Variants in CYP20A1 observed in about 807,000 individuals in gnomAD.
CYP20A1 encodes cytochrome P450 family 20 subfamily A member 1, also known as cytochrome P450 20A1.
CYP20A1 carries 61 observed loss-of-function variants against 61.4 expected under a neutral mutation model. That is an observed-to-expected ratio of 0.99 (90% CI 0.81 to 1.23). The LOEUF (loss-of-function observed/expected upper bound fraction) is 1.23, where lower values mean the gene tolerates loss of function less well. Among genes scored for constraint, CYP20A1 ranks in the 50% most tolerant of loss-of-function variants. The pLI, the probability that CYP20A1 is intolerant of heterozygous loss-of-function variation, is 0.00. For missense variants in CYP20A1, 530 were observed against 542.4 expected (o/e 0.98, Z 0.23); for synonymous variants, 193 against 188.2 (o/e 1.03, Z -0.21).
chr2:203,266,885 G>A (rs2067346555), intron 5 of CYP20A1, among the ~76,000 whole-genome samples: 1 of 152,148 alleles, frequency 6.6e-6, no homozygotes, highest in Admixed American at 6.6e-5. Context: ...GGAGGCTGAG[G>A]CATGAGAATC....
intron 1 of CYP20A1, among the ~76,000 whole-genome samples, chr2:203,241,072 G>T (rs1006776628): frequency 2.0e-5 from 3 of 152,170 alleles, no homozygotes; most frequent in Admixed American, 6.6e-5. Context: ...TGAAGATAGT[G>T]CCAATGGGAT....
At chr2:203,293,417 A>G (rs1190961874) in intron 11 of CYP20A1, among the ~76,000 whole-genome samples, 2 of 149,758 alleles carry the variant, frequency 1.3e-5, no homozygotes, top group Admixed American at 1.3e-4. Context: ...GGGTTTCACC[A>G]TGTTAGCCAG....
At chr2:203,275,502 C>A (rs2067779692) in intron 6 of CYP20A1, among the ~76,000 whole-genome samples, 1 of 151,794 alleles carries the variant, frequency 6.6e-6, no homozygotes, top group Admixed American at 6.6e-5. Flanking sequence ...TGCAGTGGCT[C>A]AATCTCAGCT....
intron 3 of CYP20A1, among the ~76,000 whole-genome samples, chr2:203,251,543 G>A (rs905093907): frequency 4.0e-5 from 6 of 151,436 alleles, no homozygotes; most frequent in African/African-American, 1.5e-4. Flanking sequence ...GCTGAGGCAG[G>A]CGGATCACTT....
intron 11 of CYP20A1, among the ~76,000 whole-genome samples, chr2:203,292,911 C>T (rs937022083): frequency 6.6e-6 from 1 of 152,102 alleles, no homozygotes; most frequent in Admixed American, 6.5e-5. Flanking sequence ...CACCGTGGCT[C>T]ATGCCTGTAA....
chr2:203,296,256 C>G (rs1386570907), intron 11 of CYP20A1, among the ~76,000 whole-genome samples: 4 of 151,998 alleles, frequency 2.6e-5, no homozygotes, highest in Non-Finnish European at 5.9e-5. Flanking sequence ...AGAGCGAGAC[C>G]CTGTCTCAAA....
At chr2:203,270,134 C>A (rs536579020) in intron 5 of CYP20A1, among the ~76,000 whole-genome samples, 1 of 152,002 alleles carries the variant, frequency 6.6e-6, no homozygotes, top group Non-Finnish European at 1.5e-5. Context: ...GTAGTACATT[C>A]TTTTAGTCCC....
At chr2:203,262,468 CTTTTT>C (rs555858867) in intron 4 of CYP20A1, among the ~76,000 whole-genome samples, 1 of 151,976 alleles carries the variant, frequency 6.6e-6, no homozygotes, top group Non-Finnish European at 1.5e-5. Context: ...CATGAACCAA[CTTTTT>C]TTTCTATATA....
chr2:203,263,576 C>T lies in CYP20A1; in HGVS notation c.433-2938C>T, dbSNP rs569888555. 2.1e-4 allele frequency among the ~76,000 whole-genome samples: 32 copies of T among 152,298 alleles called. No individual in the cohort carries two copies. In the South Asian group the frequency reaches 6.2e-3, roughly 30 times the overall value. ...ATGCTGGAATTACCGGCGTGAGCCA[C>T]CGCTCCCGGCCCGTATGCAAGTTTT... is the stretch of plus-strand genomic sequence containing the variant. On this transcript the variant is annotated intron_variant, in intron 4 of 12. Transcript: ENST00000356079.
At chr2:203,274,190 T>G (rs1245962196) in intron 6 of CYP20A1, among the ~76,000 whole-genome samples, 1 of 148,294 alleles carries the variant, frequency 6.7e-6, no homozygotes, top group African/African-American at 2.5e-5. Flanking sequence ...TTAAAATAAT[T>G]TTTTTTTTTT....
chr2:203,242,066 T>C (rs2066273025), intron 1 of CYP20A1, among the ~76,000 whole-genome samples: 2 of 152,182 alleles, frequency 1.3e-5, no homozygotes, highest in Admixed American at 1.3e-4. Context: ...GGTTTCGAAC[T>C]CCTGACCTCA....
intron 4 of CYP20A1, among the ~76,000 whole-genome samples, chr2:203,262,921 G>A (rs1281909069): frequency 1.3e-5 from 2 of 151,696 alleles, no homozygotes; most frequent in East Asian, 1.9e-4. Context: ...CTCGTGATCC[G>A]CCCGCCTCGA....
At chr2:203,247,024 G>C (rs1171016752) in intron 3 of CYP20A1, 103 bp downstream of exon 3, 1 of 1,136,288 alleles carries the variant, frequency 8.8e-7, no homozygotes, top group South Asian at 1.5e-5. Flanking sequence ...ACTTTGGGAG[G>C]CTGAGGCAGG....
At position 203,275,966 on chromosome 2, in the gene CYP20A1, G is replaced by A. The variant is rs1391386866; in HGVS notation, c.680-2607G>A. ...AATGCTGTAGACAAAAATAAAACCA[G>A]AAGGGGATAGGGAGTGCCGGGGGTT... On this transcript the variant is annotated intron_variant, in intron 6 of 12. Transcript: ENST00000356079. Among the ~76,000 whole-genome samples, 59 of 152,186 alleles carry A rather than the reference G, an allele frequency of 3.9e-4. 1 individual carries two copies. Among genetic ancestry groups the A allele is most frequent in the Non-Finnish European group, 2.9e-5 (2 of 68,034 alleles).
intron 4 of CYP20A1, among the ~76,000 whole-genome samples, chr2:203,261,131 G>A (rs2067119867): frequency 6.6e-6 from 1 of 152,012 alleles, no homozygotes; most frequent in Admixed American, 6.6e-5. Flanking sequence ...CACTGTGGGA[G>A]GCCAAGGTGG....
intron 4 of CYP20A1, among the ~76,000 whole-genome samples, chr2:203,259,206 T>C (rs1226264706): frequency 1.3e-5 from 2 of 152,194 alleles, no homozygotes; most frequent in African/African-American, 4.8e-5. Flanking sequence ...ACTATGTCGT[T>C]ATGTGAGAAA....
Position 203,266,752 on chromosome 2 carries a change from A to T in CYP20A1, c.600+71A>T. 6 of 1,311,394 alleles carry T rather than the reference A, an allele frequency of 4.6e-6. No homozygotes were observed. In the South Asian group the frequency reaches 7.4e-5, roughly 16 times the overall value. 81.2% of individuals were successfully genotyped at this position (1,311,394 alleles called of 1,614,324 possible). A position where few individuals can be genotyped will look rare whatever the true frequency, so the allele number is the denominator to read the frequency against. ...GGCAGCTCACACCTGTAATCCCAGC[A>T]CTTTGGGAGGCTGCAGTCAGGAGTT... On this transcript the variant is annotated intron_variant, in intron 5 of 12. Coordinates refer to ENST00000356079, the MANE Select transcript of CYP20A1 (RefSeq NM_177538.3).
At chr2:203,287,164 A>C (rs943094115) in intron 9 of CYP20A1, among the ~76,000 whole-genome samples, 1 of 139,308 alleles carries the variant, frequency 7.2e-6, no homozygotes, top group African/African-American at 2.6e-5. Context: ...GGCTGGAGTG[A>C]GCTACGATCA....
chr2:203,291,352 T>G (rs978108922), intron 10 of CYP20A1, among the ~76,000 whole-genome samples: 3 of 152,228 alleles, frequency 2.0e-5, no homozygotes, highest in Non-Finnish European at 4.4e-5. Flanking sequence ...TACGTTAAAT[T>G]TAAAATGTTC....
Sources: allele counts gnomAD v4.1 joint callset (sites outside exome capture counted in the v4.1 genomes callset), GRCh38; gene constraint gnomAD v4.1.1; transcripts MANE v1.5; gene names NCBI Gene and HGNC (gene_info 2026-07-23, HGNC 2026-07-21).